FHIT: variants seen among roughly 807,000 people sequenced by gnomAD.
The protein encoded by FHIT is bis(5'-adenosyl)-triphosphatase.
Under a neutral mutation model 17.9 loss-of-function variants are expected in FHIT, and 19 were observed. That is an observed-to-expected ratio of 1.06 (90% confidence interval 0.74 to 1.56). The LOEUF is 1.56. Among genes scored for constraint, FHIT ranks in the 40% most tolerant of loss-of-function variants. The probability of loss-of-function intolerance (pLI) is 0.00; values close to 1 mark genes in which losing one functional copy is unlikely to be tolerated. For missense variants in FHIT, 248 were observed against 189.2 expected (o/e 1.31, Z -1.82); for synonymous variants, 81 against 69.7 (o/e 1.16, Z -0.81).
chr3:60,754,958 T>C (rs2042543929), intron 4 of FHIT, among the ~76,000 whole-genome samples: 1 of 152,210 alleles, frequency 6.6e-6, no homozygotes, highest in African/African-American at 2.4e-5. Flanking sequence ...AGTCTTAACC[T>C]TAAATATGCT....
chr3:61,020,665 T>C (rs1398149447), intron 3 of FHIT, among the ~76,000 whole-genome samples: 1 of 152,122 alleles, frequency 6.6e-6, no homozygotes, highest in East Asian at 1.9e-4. Flanking sequence ...AATTCACACA[T>C]AACAATATTA....
chr3:60,086,500 G>A (rs890127805), intron 5 of FHIT, among the ~76,000 whole-genome samples: 5 of 152,112 alleles, frequency 3.3e-5, no homozygotes, highest in African/African-American at 4.8e-5. Flanking sequence ...TGTGACCCAA[G>A]GTAATTTCTT....
chr3:60,414,536 C>G (rs1702175935), intron 5 of FHIT, among the ~76,000 whole-genome samples: 1 of 152,110 alleles, frequency 6.6e-6, no homozygotes, highest in Non-Finnish European at 1.5e-5. Flanking sequence ...TCTATTACTC[C>G]CTCTTCTAAG....
At chr3:60,379,076 G>C (rs1341189790) in intron 5 of FHIT, among the ~76,000 whole-genome samples, 1 of 152,154 alleles carries the variant, frequency 6.6e-6, no homozygotes, top group African/African-American at 2.4e-5. Flanking sequence ...TTTTATCCCA[G>C]ACCAGTGAAA....
intron 3 of FHIT, among the ~76,000 whole-genome samples, chr3:60,927,331 C>T (rs984172436): frequency 3.3e-5 from 5 of 152,194 alleles, no homozygotes; most frequent in African/African-American, 7.2e-5. Context: ...AGTGCAGTGG[C>T]GTGAACCTCC....
chr3:60,023,991 TA>T lies in FHIT; in HGVS notation c.104-9840del, dbSNP rs34799084. ...CCATTAAGAAAAATATACTTCATGGTAAAAAAAAAAAGAATTATGAATTCCT... is the reference window on the plus strand; with the variant it reads ...CCATTAAGAAAAATATACTTCATGGTAAAAAAAAAAGAATTATGAATTCCT... On this transcript the variant is annotated intron_variant, in intron 5 of 9. Coordinates refer to ENST00000492590, the MANE Select transcript of FHIT (RefSeq NM_002012.4). Among the ~76,000 whole-genome samples the T allele has an allele frequency of 8.1e-4, 120 of 147,692 alleles. 1 individual carries two copies. The highest frequency in any genetic ancestry group is 1.3e-3 in the Non-Finnish European group (89 of 66,566).
chr3:61,235,261 G>A (rs1303855132), intron 1 of FHIT, among the ~76,000 whole-genome samples: 1 of 152,088 alleles, frequency 6.6e-6, no homozygotes, highest in Admixed American at 6.5e-5. Flanking sequence ...CCCACCACTT[G>A]CCAACTGGGT....
chr3:60,013,419 C>G (rs1700215828), intron 6 of FHIT, among the ~76,000 whole-genome samples: 1 of 152,148 alleles, frequency 6.6e-6, no homozygotes, highest in Non-Finnish European at 1.5e-5. Flanking sequence ...ACTCAATTCC[C>G]TACTGATGAC....
intron 3 of FHIT, among the ~76,000 whole-genome samples, chr3:61,013,474 C>T (rs1353077842): frequency 4.6e-5 from 7 of 152,212 alleles, no homozygotes; most frequent in Admixed American, 6.5e-5. Context: ...ATTCACCTTG[C>T]ATTCTATTTA....
intron 5 of FHIT, among the ~76,000 whole-genome samples, chr3:60,521,008 T>G (rs1450405507): frequency 6.6e-6 from 1 of 152,196 alleles, no homozygotes. Flanking sequence ...TATAAATTTT[T>G]TGGTTTATTT....
At chr3:61,188,852 T>G (rs559296216) in intron 2 of FHIT, among the ~76,000 whole-genome samples, 4 of 152,238 alleles carry the variant, frequency 2.6e-5, no homozygotes, top group African/African-American at 9.6e-5. Context: ...TCTCAATAGA[T>G]GCAGAAAAGG....
rs138083814 is a variant in FHIT, at chr3:60,464,220, A to G, written c.103+72640T>C. On this transcript the variant is annotated intron_variant, in intron 5 of 9. Coordinates refer to ENST00000492590, the MANE Select transcript of FHIT (RefSeq NM_002012.4). The stretch of plus-strand genomic sequence containing the variant: ...GGTTCCCCTGCATTCATTTTTTTAA[A>G]AAATTGTTGTGGGTACATATAAGAT... Among the ~76,000 whole-genome samples, 654 of 152,272 alleles carry G rather than the reference A, an allele frequency of 4.3e-3. 9 individuals carry two copies. Among genetic ancestry groups the G allele is most frequent in the African/African-American group, 0.014 (590 of 41,572 alleles).
chr3:60,275,953 A>G (rs903378784), intron 5 of FHIT, among the ~76,000 whole-genome samples: 5 of 151,844 alleles, frequency 3.3e-5, no homozygotes, highest in South Asian at 2.1e-4. Flanking sequence ...GACCAATAGG[A>G]TAAGTTTAAG....
intron 8 of FHIT, among the ~76,000 whole-genome samples, chr3:59,831,789 T>A (rs1249311619): frequency 6.6e-6 from 1 of 151,932 alleles, no homozygotes; most frequent in African/African-American, 2.4e-5. Context: ...TGGAAAGGGG[T>A]GGCTGTGAAA....
intron 9 of FHIT, chr3:59,750,439 G>A (rs1700830932): frequency 4.5e-6 from 1 of 224,362 alleles, no homozygotes; most frequent in African/African-American, 2.2e-5. Flanking sequence ...AAGAGGAACA[G>A]AAAGAGGTTT....
chr3:60,745,562 T>C (rs1553715128), intron 4 of FHIT, among the ~76,000 whole-genome samples: 2 of 152,100 alleles, frequency 1.3e-5, no homozygotes, highest in East Asian at 3.9e-4. Context: ...AGATTAGAGT[T>C]GGCATTTTGG....
chr3:60,770,916 A>G (rs868911765), intron 4 of FHIT, among the ~76,000 whole-genome samples: 2 of 152,184 alleles, frequency 1.3e-5, no homozygotes, highest in South Asian at 2.1e-4. Flanking sequence ...AATGCTCCTG[A>G]CCATATTTTC....
chr3:60,317,788 C>CTTTT (rs10713144), intron 5 of FHIT, among the ~76,000 whole-genome samples: 1 of 138,540 alleles, frequency 7.2e-6, no homozygotes, highest in Non-Finnish European at 1.6e-5. Context: ...AGTTTTTCTT[C>CTTTT]TTTTTTTTTT....
intron 8 of FHIT, among the ~76,000 whole-genome samples, chr3:59,879,999 G>C (rs983077748): frequency 7.4e-6 from 1 of 135,736 alleles, no homozygotes; most frequent in African/African-American, 2.7e-5. Context: ...AAGTCCATAT[G>C]GAAATAGGAG....
Sources: allele counts gnomAD v4.1 joint callset (sites outside exome capture counted in the v4.1 genomes callset), GRCh38; gene constraint gnomAD v4.1.1; transcripts MANE v1.5; gene names NCBI Gene and HGNC (gene_info 2026-07-23, HGNC 2026-07-21).